RGS7: variants seen among roughly 807,000 people sequenced by gnomAD.
The protein encoded by RGS7 is regulator of G-protein signaling 7.
In RGS7, 27 loss-of-function variants were observed where a neutral mutation model predicts 81.1. That is an observed-to-expected ratio of 0.33 (90% CI 0.25 to 0.46). RGS7 has a LOEUF of 0.46. Ranked by LOEUF, RGS7 falls within the 20% of genes least tolerant of loss-of-function variation. The pLI is 1.00. For missense variants in RGS7, 396 were observed against 607.4 expected (o/e 0.65, Z 3.66); for synonymous variants, 208 against 207.7 (o/e 1.00, Z -0.01).
chr1:241,235,694 TTCTC>T, intron 2 of RGS7, among the ~76,000 whole-genome samples: 1 of 149,272 alleles, frequency 6.7e-6, no homozygotes, highest in Non-Finnish European at 1.5e-5. Flanking sequence ...CTCTCTCTCT[TTCTC>T]TCTTTCCTTC....
chr1:240,992,848 C>CAA (rs757849427), intron 3 of RGS7, among the ~76,000 whole-genome samples: 123 of 111,640 alleles, frequency 1.1e-3, no homozygotes, highest in South Asian at 7.3e-3. Flanking sequence ...ACTAAAAATA[C>CAA]AAAAAAAAAA....
At chr1:240,777,242 A>G (rs998020390) in intron 18 of RGS7, among the ~76,000 whole-genome samples, 3 of 152,052 alleles carry the variant, frequency 2.0e-5, no homozygotes, top group African/African-American at 7.3e-5. Context: ...AGATCGCGCC[A>G]CTACACTCCA....
At chr1:241,336,335 T>C (rs1245133748) in intron 2 of RGS7, among the ~76,000 whole-genome samples, 3 of 152,176 alleles carry the variant, frequency 2.0e-5, no homozygotes, top group South Asian at 2.1e-4. Context: ...TCTTACAAAA[T>C]ATATTTGCAG....
intron 6 of RGS7, chr1:240,920,030 G>A (rs1673239668): frequency 5.0e-6 from 6 of 1,196,112 alleles, no homozygotes; most frequent in Non-Finnish European, 7.4e-6. Context: ...ATTTTGAACA[G>A]TTTGGAAAAA....
chr1:240,904,124 T>C (rs1282268318), intron 6 of RGS7, among the ~76,000 whole-genome samples: 2 of 152,214 alleles, frequency 1.3e-5, no homozygotes, highest in Non-Finnish European at 2.9e-5. Flanking sequence ...ATTTTAAGTT[T>C]TGGCTTCTCT....
intron 9 of RGS7, among the ~76,000 whole-genome samples, chr1:240,866,786 T>C (rs890454651): frequency 2.6e-5 from 4 of 152,022 alleles, no homozygotes; most frequent in Admixed American, 1.3e-4. Flanking sequence ...AGGGGAGTGT[T>C]TGAGGTGGGA....
chr1:240,812,937 G>A (rs1322379820), intron 13 of RGS7, among the ~76,000 whole-genome samples: 1 of 152,046 alleles, frequency 6.6e-6, no homozygotes, highest in East Asian at 1.9e-4. Flanking sequence ...AAGAGTTCTG[G>A]GCATGTCCAG....
At chr1:241,109,568 C>T (rs1247860570) in intron 2 of RGS7, among the ~76,000 whole-genome samples, 1 of 152,006 alleles carries the variant, frequency 6.6e-6, no homozygotes, top group Admixed American at 6.6e-5. Context: ...AATTATCACC[C>T]CCCATTTTTT....
chr1:240,852,466 A>G (rs6429226), intron 9 of RGS7, among the ~76,000 whole-genome samples: 106,875 of 151,976 alleles, frequency 0.7, 38,462 homozygotes, highest in Middle Eastern at 0.86. Flanking sequence ...TATTTCTGTC[A>G]TCTGGAATTT....
At chr1:241,108,053 G>C (rs551039805) in intron 2 of RGS7, among the ~76,000 whole-genome samples, 14 of 152,260 alleles carry the variant, frequency 9.2e-5, no homozygotes, top group African/African-American at 3.1e-4. Flanking sequence ...CCAGCACTTT[G>C]GGATGCCGAG....
chr1:240,894,838 T>C (rs1668787632), intron 6 of RGS7, among the ~76,000 whole-genome samples: 1 of 152,230 alleles, frequency 6.6e-6, no homozygotes, highest in South Asian at 2.1e-4. Context: ...TAGGTTTTCT[T>C]ATGGGAATTC....
chr1:241,158,479 G>A (rs939510367), intron 2 of RGS7, among the ~76,000 whole-genome samples: 3 of 152,154 alleles, frequency 2.0e-5, no homozygotes, highest in Non-Finnish European at 2.9e-5. Flanking sequence ...AAACCCAAGC[G>A]CTATCTTTCT....
intron 2 of RGS7, among the ~76,000 whole-genome samples, chr1:241,308,767 C>A (rs959508342): frequency 6.6e-6 from 1 of 152,096 alleles, no homozygotes; most frequent in Non-Finnish European, 1.5e-5. Context: ...GCTTAATATA[C>A]ACAGAAAAGA....
chr1:240,855,780 T>TC (rs1247405570), intron 9 of RGS7, among the ~76,000 whole-genome samples: 2 of 152,214 alleles, frequency 1.3e-5, no homozygotes, highest in Non-Finnish European at 1.5e-5. Context: ...TATTGTCAAA[T>TC]TAATTTTTAT....
intron 4 of RGS7, 149 bp downstream of exon 4, chr1:240,982,930 A>T: frequency 3.5e-6 from 2 of 574,428 alleles, no homozygotes; most frequent in Non-Finnish European, 3.1e-6. Flanking sequence ...CTACCATAAA[A>T]TTTATATAAA....
Position 241,006,652 on chromosome 1 carries a change from G to A in RGS7, c.176-23523C>T, listed in dbSNP as rs578133709. Among the ~76,000 whole-genome samples, 3 of 152,290 alleles carry A rather than the reference G, an allele frequency of 2.0e-5. No individual in the cohort carries two copies. The East Asian group carries it at 5.8e-4, about 29-fold the overall frequency. On this transcript the variant is annotated intron_variant, in intron 3 of 18. Coordinates refer to ENST00000440928, the MANE Select transcript of RGS7 (RefSeq NM_001364886.1). ...TAGAAAACGTTGAAACTACAGATGA[G>A]AGAGAATTATAAATAAGGAAAGTAC...
At chr1:241,087,042 T>G (rs949671694) in intron 3 of RGS7, among the ~76,000 whole-genome samples, 2 of 152,186 alleles carry the variant, frequency 1.3e-5, no homozygotes, top group African/African-American at 4.8e-5. Flanking sequence ...CTTTCTTGAT[T>G]TGTCCTTCTC....
At chr1:240,829,281 A>G (rs1693390205) in intron 9 of RGS7, among the ~76,000 whole-genome samples, 1 of 152,130 alleles carries the variant, frequency 6.6e-6, no homozygotes, top group South Asian at 2.1e-4. Flanking sequence ...TCAGCTTGGC[A>G]GTGTAGGAGG....
chr1:241,285,487 G>A (rs2078760673), intron 2 of RGS7, among the ~76,000 whole-genome samples: 1 of 152,080 alleles, frequency 6.6e-6, no homozygotes, highest in Non-Finnish European at 1.5e-5. Flanking sequence ...CATCTTCTTG[G>A]AAACAAGAGT....
Sources: gnomAD v4.1 joint callset for allele counts (sites outside exome capture counted in the v4.1 genomes callset) on GRCh38, gnomAD v4.1.1 for gene constraint, MANE v1.5 for transcripts, NCBI Gene and HGNC (gene_info 2026-07-23, HGNC 2026-07-21) for gene names.